CEP68: variants seen among roughly 807,000 people sequenced by gnomAD.
CEP68 encodes centrosomal protein of 68 kDa.
Under a neutral mutation model 55.3 loss-of-function variants are expected in CEP68, and 26 were observed. The observed-to-expected ratio is 0.47, with a 90% CI of 0.34 to 0.65. The LOEUF is 0.65. CEP68 is among the 30% of genes least tolerant of loss of function. The pLI is 0.01. For missense variants in CEP68, 957 were observed against 946.7 expected (o/e 1.01, Z -0.14); for synonymous variants, 402 against 383.2 (o/e 1.05, Z -0.57).
chr2:65,081,182 A>G (rs1387217019), intron 5 of CEP68, among the ~76,000 whole-genome samples: 3 of 148,366 alleles, frequency 2.0e-5, no homozygotes, highest in Non-Finnish European at 4.5e-5. Context: ...GCTGCACTCC[A>G]GCCTGGGTGA....
In CEP68 at chr2:65,069,750, G is replaced by A. The variant is rs1435168761; in HGVS notation, c.306G>A (p.Leu102=). The A allele has an allele frequency of 1.2e-6, 2 of 1,614,102 alleles. No homozygotes were observed. Among genetic ancestry groups the A allele is most frequent in the Non-Finnish European group, 8.5e-7 (1 of 1,180,034 alleles). ...GGTCTGAGCCTGCACTCAGTGGCCT[G>A]CCTCCTGCCACCATGGGGTCTGGAG... ...AERSEPALSG[L]PPATMGSGDL... Residue 102 remains leucine (L), a synonymous_variant, in exon 2 of 7, where the codon CTG becomes CTA. Transcript: ENST00000377990.
chr2:65,075,274 T>G (rs1321106843), intron 4 of CEP68: 1 of 137,720 alleles, frequency 7.3e-6, no homozygotes, highest in Non-Finnish European at 1.6e-5. Context: ...AAAAAAAACA[T>G]AAAAAATTAG....
intron 1 of CEP68, among the ~76,000 whole-genome samples, chr2:65,064,231 C>T (rs541936568): frequency 6.6e-6 from 1 of 152,294 alleles, no homozygotes; most frequent in Middle Eastern, 3.4e-3. Context: ...TAGCTCACCA[C>T]TCCCTATCTC....
At chr2:65,076,455 C>G (rs1241660255) in intron 4 of CEP68, among the ~76,000 whole-genome samples, 1 of 152,196 alleles carries the variant, frequency 6.6e-6, no homozygotes, top group Non-Finnish European at 1.5e-5. Context: ...TCTTGTGTCA[C>G]CCATACAGCT....
intron 5 of CEP68, chr2:65,080,645 C>T: frequency 1.6e-6 from 1 of 622,792 alleles, no homozygotes; most frequent in Non-Finnish European, 2.0e-6. Context: ...TGGCGAAACC[C>T]CATCTCTACT....
chr2:65,080,398 T>G, intron 5 of CEP68: 1 of 985,352 alleles, frequency 1.0e-6, no homozygotes, highest in Non-Finnish European at 1.2e-6. Flanking sequence ...GGTGCAAAAC[T>G]TAACTTTTCT....
rs1309162835 is a variant in CEP68, at chr2:65,058,495, TC to T, written c.-47+1969del. ...CACCTTATCCGATGGCTGATTTTTT[TC>T]CTTTTTTTTTTTTTTTTTTTTTTTT... On this transcript the variant is annotated intron_variant, in intron 1 of 6. Coordinates refer to ENST00000377990, the MANE Select transcript of CEP68 (RefSeq NM_015147.3). Among the ~76,000 whole-genome samples, 49 of 135,840 alleles carry T rather than the reference TC, an allele frequency of 3.6e-4. 1 individual carries two copies. Among genetic ancestry groups the T allele is most frequent in the African/African-American group, 1.4e-3 (48 of 35,408 alleles). The allele number at this position is 135,840 out of a possible 152,430, so 89.1% of individuals were successfully genotyped here. A position where few individuals can be genotyped will look rare whatever the true frequency, so the allele number is the denominator to read the frequency against.
chr2:65,069,464 AG>A lies in CEP68; in HGVS notation c.22del (p.Ala8GlnfsTer30). The part of the protein sequence containing the change: MALGEE[K>X]AEAEASEDTK... Reference sequence around the variant, plus strand: ...GTCTCAATGGCCCTGGGTGAAGAAAAGGCAGAAGCGGAAGCATCTGAAGACA... The same window carrying A: ...GTCTCAATGGCCCTGGGTGAAGAAAAGCAGAAGCGGAAGCATCTGAAGACA... On this transcript the variant is annotated frameshift_variant, in exon 2 of 7. Coordinates refer to ENST00000377990, the MANE Select transcript of CEP68 (RefSeq NM_015147.3). LOFTEE classifies it high-confidence loss of function. The A allele has an allele frequency of 6.6e-7, 1 of 1,515,454 alleles. No individual in the cohort carries two copies. Among genetic ancestry groups the A allele is most frequent in the Non-Finnish European group, 8.8e-7 (1 of 1,130,964 alleles). 93.9% of individuals were successfully genotyped at this position (1,515,454 alleles called of 1,614,324 possible).
chr2:65,077,994 A>T, intron 5 of CEP68, 30 bp downstream of exon 5: 2 of 1,543,968 alleles, frequency 1.3e-6, no homozygotes, highest in South Asian at 1.1e-5. Flanking sequence ...GGATTTAGCC[A>T]GAGCTTAATC....
rs771400214 is a variant in CEP68, at chr2:65,072,117, G to C, written c.1021G>C (p.Val341Leu). ...DSGVDLDSFS[V>L]SPASTLKSPT... The stretch of plus-strand genomic sequence containing the variant: ...CGGGGTAGACCTGGATAGCTTCTCT[G>C]TCTCTCCAGCAAGCACCCTCAAATC... Residue 341 changes from valine to leucine, a missense_variant, in exon 3 of 7, where the codon GTC becomes CTC. Physicochemically the swap from Val to Leu is conservative, Grantham distance 32. Coordinates refer to ENST00000377990, the MANE Select transcript of CEP68 (RefSeq NM_015147.3). The C allele has an allele frequency of 4.3e-6, 7 of 1,614,018 alleles. No homozygotes were observed. The South Asian group carries it at 5.5e-5, about 13-fold the overall frequency.
At chr2:65,070,514 T>C (rs762933402) in intron 2 of CEP68, among the ~76,000 whole-genome samples, 6 of 151,992 alleles carry the variant, frequency 3.9e-5, no homozygotes, top group Non-Finnish European at 8.8e-5. Flanking sequence ...GGTGTCATTG[T>C]AGCCTTGGCT....
intron 1 of CEP68, among the ~76,000 whole-genome samples, chr2:65,056,768 C>T (rs906732280): frequency 6.6e-6 from 1 of 152,090 alleles, no homozygotes; most frequent in Non-Finnish European, 1.5e-5. Flanking sequence ...ACGGCGTGTG[C>T]TGTGGCGGCC....
At chr2:65,073,185 A>G (rs1573037895) in intron 3 of CEP68, 1 of 680,584 alleles carries the variant, frequency 1.5e-6, no homozygotes, top group East Asian at 2.9e-5. Flanking sequence ...AAGAGCAGAG[A>G]GAGGTTAGGT....
chr2:65,058,496 CCTTT>C (rs1675757328), intron 1 of CEP68, among the ~76,000 whole-genome samples: 1 of 96,870 alleles, frequency 1.0e-5, no homozygotes, highest in Non-Finnish European at 2.0e-5. Context: ...TGATTTTTTT[CCTTT>C]TTTTTTTTTT....
chr2:65,072,862 C>A lies in CEP68; in HGVS notation c.1766C>A (p.Thr589Lys), dbSNP rs751337520. The A allele has an allele frequency of 1.2e-6, 2 of 1,614,198 alleles. No individual in the cohort carries two copies. The highest frequency in any genetic ancestry group is 1.7e-6 in the Non-Finnish European group (2 of 1,180,034). Residue 589 changes from threonine to lysine, a missense_variant, in exon 3 of 7, where the codon ACA becomes AAA. Transcript: ENST00000377990. ...GGGGTCTCCTCTGGACTGCTGAAAA[C>A]ACGCCCCTCCTTGCCAGCTAGGTTG... ...ALGVSSGLLKTRPSLPARLDR... is the reference protein window; with the variant it reads ...ALGVSSGLLKKRPSLPARLDR...
intron 2 of CEP68, chr2:65,071,144 CTG>C (rs1195501348): frequency 5.2e-6 from 2 of 388,228 alleles, no homozygotes; most frequent in Admixed American, 8.5e-5. Flanking sequence ...AGGTAAGGGA[CTG>C]TTTTCCAGCT....
chr2:65,082,686 ACC>A lies in CEP68; in HGVS notation c.2257_2258del (p.Pro753MetfsTer2). ...AAAAAGCCCATGGCGGCAATGGAGC[ACC>A]CATGTGAAGGGGTTTAACCTGGTAA... On this transcript the variant is annotated frameshift_variant, in exon 6 of 7. Transcript: ENST00000377990. LOFTEE classifies it high-confidence loss of function. The A allele has an allele frequency of 6.3e-7, 1 of 1,598,532 alleles. No homozygotes were observed. The highest frequency in any genetic ancestry group is 1.8e-5 in the Admixed American group (1 of 56,000).
At chr2:65,082,781 TTG>T in intron 6 of CEP68, 72 bp downstream of exon 6, 1 of 1,262,862 alleles carries the variant, frequency 7.9e-7, no homozygotes, top group Non-Finnish European at 1.1e-6. Flanking sequence ...ACTTAGAAGC[TTG>T]TTGAGCCAAG....
Position 65,072,381 on chromosome 2 carries a change from A to G in CEP68, c.1285A>G (p.Lys429Glu). The G allele has an allele frequency of 6.2e-7, 1 of 1,613,924 alleles. No homozygotes were observed. The highest frequency in any genetic ancestry group is 8.5e-7 in the Non-Finnish European group (1 of 1,180,026). The change falls in exon 3 of 7, where the codon AAG (lysine) becomes GAG (glutamate). Residue 429 changes from lysine (K) to glutamate (E), a missense_variant. Transcript: ENST00000377990. Reference protein sequence around the residue: ...RGAKDRLTIGKHLDMGSPQLR... With the variant: ...RGAKDRLTIGEHLDMGSPQLR... ...TGCGAAGGACCGGCTGACTATAGGC[A>G]AGCACCTTGATATGGGCTCTCCCCA...
Sources: gnomAD v4.1 joint callset for allele counts (sites outside exome capture counted in the v4.1 genomes callset) on GRCh38, gnomAD v4.1.1 for gene constraint, MANE v1.5 for transcripts, NCBI Gene and HGNC (gene_info 2026-07-23, HGNC 2026-07-21) for gene names.